CHRM3: variants seen among roughly 807,000 people sequenced by gnomAD.
The protein encoded by CHRM3 is cholinergic receptor muscarinic 3.
CHRM3 carries 11 observed loss-of-function variants against 41.8 expected under a neutral mutation model. That is an observed-to-expected ratio of 0.26 (90% CI 0.17 to 0.44). CHRM3 has a LOEUF of 0.44. Ranked by LOEUF, CHRM3 falls within the 20% of genes least tolerant of loss-of-function variation. The pLI is 1.00. For synonymous variants in CHRM3, 297 were observed against 301.4 expected, an observed-to-expected ratio of 0.99 and a Z score of 0.15; for missense variants, 571 against 745.4, an observed-to-expected ratio of 0.77 and a Z score of 2.72.
At chr1:239,637,967 G>A (rs1174335433) in intron 4 of CHRM3, among the ~76,000 whole-genome samples, 3 of 130,146 alleles carry the variant, frequency 2.3e-5, no homozygotes, top group South Asian at 2.4e-4. Flanking sequence ...CTGTGTCCAC[G>A]TGTTCTCATT....
At chr1:239,773,996 A>G (rs561288513) in intron 5 of CHRM3, among the ~76,000 whole-genome samples, 1 of 152,302 alleles carries the variant, frequency 6.6e-6, no homozygotes, top group South Asian at 2.1e-4. Context: ...TTGACCAGCT[A>G]TAGGTACTAC....
rs1680277455 is a variant in CHRM3, at chr1:239,910,149, C to T, written c.*925C>T. ...GCAACCTCCTTTGTTGATGTCTCAA[C>T]AGAGCTAAATCGGGGCCCCTCTGAG... is the stretch of plus-strand genomic sequence containing the variant. On this transcript the variant is annotated 3_prime_UTR_variant, in exon 7 of 7. Coordinates refer to ENST00000676153, the MANE Select transcript of CHRM3 (RefSeq NM_001375978.1). 6.0e-6 allele frequency: 1 copy of T among 166,934 alleles called. No homozygotes were observed. The highest frequency in any genetic ancestry group is 6.6e-5 in the Admixed American group (1 of 15,264). 10.3% of individuals were successfully genotyped at this position (166,934 alleles called of 1,614,324 possible).
intron 5 of CHRM3, among the ~76,000 whole-genome samples, chr1:239,680,961 A>G (rs1041123483): frequency 2.2e-4 from 34 of 152,070 alleles, no homozygotes; most frequent in Non-Finnish European, 3.8e-4. Context: ...ATGGCTGGGG[A>G]GGCCTCAAAT....
intron 5 of CHRM3, among the ~76,000 whole-genome samples, chr1:239,732,183 A>G (rs1365116473): frequency 6.6e-6 from 1 of 151,922 alleles, no homozygotes; most frequent in African/African-American, 2.4e-5. Flanking sequence ...AGATAAGTAT[A>G]CCTAATATCT....
chr1:239,474,133 A>G lies in CHRM3; in HGVS notation c.-520-18576A>G, dbSNP rs1489812718. On this transcript the variant is annotated intron_variant, in intron 1 of 6. Coordinates refer to ENST00000676153, the MANE Select transcript of CHRM3 (RefSeq NM_001375978.1). ...AAAAAATAAAATTAAAATCAACCAT[A>G]TAAAGATATTCAATCTTGTTTAAAA... Among the ~76,000 whole-genome samples, 4 of 152,230 alleles carry G rather than the reference A, an allele frequency of 2.6e-5. 1 individual carries two copies. Among genetic ancestry groups the G allele is most frequent in the South Asian group, 4.1e-4 (2 of 4,826 alleles).
chr1:239,556,239 A>C (rs1660341184), intron 3 of CHRM3, among the ~76,000 whole-genome samples: 1 of 152,180 alleles, frequency 6.6e-6, no homozygotes, highest in Non-Finnish European at 1.5e-5. Context: ...AAGATTATTC[A>C]ATTTTCTTGC....
rs1221135009 is a variant in CHRM3, at chr1:239,668,089, CTTTTTTTTTTTT to C, written c.-249-10081_-249-10070del. Among the ~76,000 whole-genome samples, 10 of 75,598 alleles carry C rather than the reference CTTTTTTTTTTTT, an allele frequency of 1.3e-4. No individual in the cohort carries two copies. The Admixed American group carries it at 1.5e-3, about 11-fold the overall frequency. The allele number at this position is 75,598 out of a possible 152,430, so 49.6% of individuals were successfully genotyped here. On this transcript the variant is annotated intron_variant, in intron 4 of 6. Coordinates refer to ENST00000676153, the MANE Select transcript of CHRM3 (RefSeq NM_001375978.1). ...TTTTCTTTTCTTTTTTTTCCCCTTT[CTTTTTTTTTTTT>C]TTTTTTTTTTTTTTTGAGACAGAGT...
intron 4 of CHRM3, among the ~76,000 whole-genome samples, chr1:239,668,522 A>G (rs1485751931): frequency 6.6e-6 from 1 of 152,206 alleles, no homozygotes; most frequent in Non-Finnish European, 1.5e-5. Flanking sequence ...CACTCAAAGC[A>G]TTTTAATAAC....
At chr1:239,407,333 A>G (rs1378908838) in intron 1 of CHRM3, among the ~76,000 whole-genome samples, 3 of 151,626 alleles carry the variant, frequency 2.0e-5, no homozygotes. Flanking sequence ...CTGACAAAAT[A>G]TATATTTATT....
At chr1:239,445,460 G>T (rs190058660) in intron 1 of CHRM3, among the ~76,000 whole-genome samples, 4 of 152,154 alleles carry the variant, frequency 2.6e-5, no homozygotes, top group Non-Finnish European at 5.9e-5. Context: ...GAAACAGGAC[G>T]GCATTAATGT....
In CHRM3 at chr1:239,912,437, T is replaced by A. The variant is rs371348330; in HGVS notation, c.*3213T>A. The A allele has an allele frequency of 6.0e-6, 1 of 167,124 alleles. No individual in the cohort carries two copies. Among genetic ancestry groups the A allele is most frequent in the African/African-American group, 2.4e-5 (1 of 41,464 alleles). The allele number at this position is 167,124 out of a possible 1,614,324, so 10.4% of individuals were successfully genotyped here. A position where few individuals can be genotyped will look rare whatever the true frequency, so the allele number is the denominator to read the frequency against. Reference sequence around the variant, plus strand: ...ACAATAGTTGTAGACTCTGACGGAATGAAAACAAACAAGAAGCCTAAGCGT... The same window carrying A: ...ACAATAGTTGTAGACTCTGACGGAAAGAAAACAAACAAGAAGCCTAAGCGT... On this transcript the variant is annotated 3_prime_UTR_variant, in exon 7 of 7. Transcript: ENST00000676153.
At chr1:239,543,230 A>T (rs535147956) in intron 2 of CHRM3, among the ~76,000 whole-genome samples, 155 of 152,266 alleles carry the variant, frequency 1.0e-3, no homozygotes, top group Non-Finnish European at 1.9e-3. Flanking sequence ...TTCTCCATCC[A>T]TCCTCATTGC....
chr1:239,729,120 G>A (rs1407357601), intron 5 of CHRM3, among the ~76,000 whole-genome samples: 1 of 151,954 alleles, frequency 6.6e-6, no homozygotes, highest in Non-Finnish European at 1.5e-5. Context: ...TACAAACCAA[G>A]GCAGGGACAC....
chr1:239,460,472 C>A (rs1665275315), intron 1 of CHRM3, among the ~76,000 whole-genome samples: 1 of 151,978 alleles, frequency 6.6e-6, no homozygotes, highest in South Asian at 2.1e-4. Context: ...GTTTTTAATC[C>A]AAGGTTGCAT....
chr1:239,404,725 T>TATCTAA (rs1660443859), intron 1 of CHRM3, among the ~76,000 whole-genome samples: 1 of 109,196 alleles, frequency 9.2e-6, no homozygotes, highest in East Asian at 2.5e-4. Context: ...TCTAAATATA[T>TATCTAA]ATATATATAT....
At chr1:239,694,219 A>G (rs1449511310) in intron 5 of CHRM3, among the ~76,000 whole-genome samples, 1 of 152,234 alleles carries the variant, frequency 6.6e-6, no homozygotes, top group Admixed American at 6.5e-5. Flanking sequence ...TTCATAAAGA[A>G]TTAGATGATC....
At chr1:239,617,191 C>T (rs1206277385) in intron 3 of CHRM3, among the ~76,000 whole-genome samples, 1 of 152,070 alleles carries the variant, frequency 6.6e-6, no homozygotes, top group East Asian at 1.9e-4. Flanking sequence ...CTGAGTAATC[C>T]CATTATAACA....
At chr1:239,574,368 T>C (rs949879979) in intron 3 of CHRM3, among the ~76,000 whole-genome samples, 5 of 152,068 alleles carry the variant, frequency 3.3e-5, no homozygotes, top group Admixed American at 1.3e-4. Context: ...AGCTGTGCTA[T>C]TATTCTTGCT....
intron 2 of CHRM3, among the ~76,000 whole-genome samples, chr1:239,517,529 C>T (rs1370358068): frequency 6.6e-6 from 1 of 152,172 alleles, no homozygotes; most frequent in East Asian, 1.9e-4. Flanking sequence ...CGTAATATGG[C>T]TAATACAGTT....
Sources: gnomAD v4.1 joint callset for allele counts (sites outside exome capture counted in the v4.1 genomes callset) on GRCh38, gnomAD v4.1.1 for gene constraint, MANE v1.5 for transcripts, NCBI Gene and HGNC (gene_info 2026-07-23, HGNC 2026-07-21) for gene names.